Variants in BCL2L11 observed in about 807,000 individuals in gnomAD.
BCL2L11 encodes bcl-2-like protein 11.
In BCL2L11, 15 loss-of-function variants were observed where a neutral mutation model predicts 20.6. That is an observed-to-expected ratio of 0.73 (90% CI 0.49 to 1.12). The LOEUF (loss-of-function observed/expected upper bound fraction) is 1.12. Among genes scored for constraint, BCL2L11 ranks in the 50% most tolerant of loss-of-function variants. The pLI is 0.00. For missense variants in BCL2L11, 292 were observed against 260.9 expected, an observed-to-expected ratio of 1.12 and a Z score of -0.82; for synonymous variants, 108 against 92.8, an observed-to-expected ratio of 1.16 and a Z score of -0.94.
At chr2:111,123,373 C>G (rs983647560) in intron 1 of BCL2L11, 4 of 985,380 alleles carry the variant, frequency 4.1e-6, no homozygotes, top group Non-Finnish European at 4.8e-6. Flanking sequence ...TACCTAACCC[C>G]GGGAAGTCAG....
intron 3 of BCL2L11, among the ~76,000 whole-genome samples, chr2:111,155,253 C>T (rs2077684878): frequency 6.6e-6 from 1 of 152,232 alleles, no homozygotes; most frequent in Non-Finnish European, 1.5e-5. Flanking sequence ...GTTTGTATTT[C>T]TGCAGCCTGC....
intron 2 of BCL2L11, among the ~76,000 whole-genome samples, chr2:111,147,384 A>ACACACC (rs2076691169): frequency 1.0e-4 from 15 of 148,088 alleles, no homozygotes; most frequent in African/African-American, 3.7e-4. Context: ...ACACACACAC[A>ACACACC]CACACACCCG....
chr2:111,133,533 T>G (rs2074320791), intron 2 of BCL2L11, among the ~76,000 whole-genome samples: 1 of 152,248 alleles, frequency 6.6e-6, no homozygotes, highest in Non-Finnish European at 1.5e-5. Context: ...TACCTAAGTG[T>G]GTTTTCTGTT....
At chr2:111,127,046 T>A (rs1199964531) in intron 2 of BCL2L11, among the ~76,000 whole-genome samples, 1 of 152,160 alleles carries the variant, frequency 6.6e-6, no homozygotes, top group African/African-American at 2.4e-5. Flanking sequence ...TGAAGACAAG[T>A]TCAAGGAATA....
chr2:111,164,443 T>A lies in BCL2L11; in HGVS notation c.*212T>A. On this transcript the variant is annotated 3_prime_UTR_variant, in exon 4 of 4. Transcript: ENST00000393256. ...ATTTCTAATGGAAGTTTGTTGTGAA[T>A]GTAAAGGAGGGAGCATTCTTTGCTT... The A allele has an allele frequency of 2.1e-6, 1 of 474,068 alleles. No individual in the cohort carries two copies. The highest frequency in any genetic ancestry group is 3.8e-6 in the Non-Finnish European group (1 of 263,468). 29.4% of individuals were successfully genotyped at this position (474,068 alleles called of 1,614,324 possible). A position where few individuals can be genotyped will look rare whatever the true frequency, so the allele number is the denominator to read the frequency against.
At chr2:111,121,938 A>G (rs1300013988) in intron 1 of BCL2L11, among the ~76,000 whole-genome samples, 1 of 152,186 alleles carries the variant, frequency 6.6e-6, no homozygotes, top group Non-Finnish European at 1.5e-5. Flanking sequence ...CGGCTCACGC[A>G]TGCCCGAGCA....
intron 2 of BCL2L11, among the ~76,000 whole-genome samples, chr2:111,145,089 T>TATCTGAAC (rs1266187821): frequency 5.9e-5 from 9 of 152,226 alleles, no homozygotes; most frequent in African/African-American, 2.2e-4. Flanking sequence ...TGTTTGTAGA[T>TATCTGAAC]ATCTGAACAT....
intron 3 of BCL2L11, among the ~76,000 whole-genome samples, chr2:111,159,002 T>C (rs187813973): frequency 5.9e-5 from 9 of 152,364 alleles, no homozygotes; most frequent in Non-Finnish European, 1.0e-4. Flanking sequence ...CTTTGGAGCA[T>C]GGATGAGTGG....
intron 2 of BCL2L11, among the ~76,000 whole-genome samples, chr2:111,132,473 A>AT (rs1559032646): frequency 6.6e-6 from 1 of 152,118 alleles, no homozygotes; most frequent in Non-Finnish European, 1.5e-5. Flanking sequence ...TTTGGAGCAC[A>AT]TTTTTTTCTC....
At chr2:111,158,103 T>C (rs996592853) in intron 3 of BCL2L11, among the ~76,000 whole-genome samples, 1 of 152,204 alleles carries the variant, frequency 6.6e-6, no homozygotes, top group Non-Finnish European at 1.5e-5. Flanking sequence ...AAATACCAGC[T>C]CAGCTGCCGT....
rs533320204 is a variant in BCL2L11, at chr2:111,122,164, G to A, written c.-14+976G>A. Among the ~76,000 whole-genome samples, 477 of 152,376 alleles carry A rather than the reference G, an allele frequency of 3.1e-3. 5 individuals carry two copies. The highest frequency in any genetic ancestry group is 0.011 in the African/African-American group (455 of 41,594). On this transcript the variant is annotated intron_variant, in intron 1 of 3. Coordinates refer to ENST00000393256, the MANE Select transcript of BCL2L11 (RefSeq NM_138621.5). ...CAGGAGAGAGAGGAAGTTGTTGGAG[G>A]AGAATAGTTGCCACAGCCAGGGCGG...
chr2:111,149,285 T>C (rs1217485529), intron 2 of BCL2L11, among the ~76,000 whole-genome samples: 3 of 152,206 alleles, frequency 2.0e-5, no homozygotes, highest in Non-Finnish European at 4.4e-5. Context: ...CAGATGAATG[T>C]ACTGGGTGTG....
intron 2 of BCL2L11, among the ~76,000 whole-genome samples, 168 bp from the exon 3 acceptor site, chr2:111,149,876 T>G (rs1257063091): frequency 6.6e-6 from 1 of 152,244 alleles, no homozygotes; most frequent in Non-Finnish European, 1.5e-5. Context: ...TGTAGAAGAC[T>G]CTGCCACTCT....
chr2:111,141,948 ACCT>A (rs776189996), intron 2 of BCL2L11, among the ~76,000 whole-genome samples: 29 of 151,888 alleles, frequency 1.9e-4, no homozygotes, highest in Non-Finnish European at 2.9e-4. Context: ...TGATGTGCCC[ACCT>A]CAGCCTCCCA....
At chr2:111,124,219 C>G (rs1370013595) in intron 2 of BCL2L11, 80 bp downstream of exon 2, 2 of 1,430,070 alleles carry the variant, frequency 1.4e-6, no homozygotes, top group South Asian at 1.4e-5. Flanking sequence ...ATTTAAAATC[C>G]CCTTTTAAAA....
At chr2:111,138,522 G>C (rs1397318270) in intron 2 of BCL2L11, among the ~76,000 whole-genome samples, 2 of 152,210 alleles carry the variant, frequency 1.3e-5, no homozygotes, top group Admixed American at 6.5e-5. Flanking sequence ...CTTTTGCATT[G>C]TTGAAGATTT....
At position 111,166,822 on chromosome 2, in the gene BCL2L11, T is replaced by C. The variant is rs998944336; in HGVS notation, c.*2591T>C. On this transcript the variant is annotated 3_prime_UTR_variant, in exon 4 of 4. Transcript: ENST00000393256. ...AAAATTCCTTCTGATTAAAAAAATA[T>C]AGTGGAATACAATTGTCTGCCGTTT... The C allele has an allele frequency of 6.6e-6, 1 of 152,612 alleles. No individual in the cohort carries two copies. Among genetic ancestry groups the C allele is most frequent in the Non-Finnish European group, 1.5e-5 (1 of 68,038 alleles). The allele number at this position is 152,612 out of a possible 1,614,324, so 9.5% of individuals were successfully genotyped here. A position where few individuals can be genotyped will look rare whatever the true frequency, so the allele number is the denominator to read the frequency against.
intron 2 of BCL2L11, among the ~76,000 whole-genome samples, chr2:111,127,472 G>T (rs964164604): frequency 1.4e-4 from 20 of 138,800 alleles, no homozygotes; most frequent in Non-Finnish European, 2.4e-4. Context: ...TCTTATAGCT[G>T]GTACTTGTCT....
intron 3 of BCL2L11, among the ~76,000 whole-genome samples, chr2:111,162,174 A>G (rs774972830): frequency 5.9e-5 from 9 of 152,194 alleles, no homozygotes; most frequent in Non-Finnish European, 1.2e-4. Context: ...CCAGCTGTCA[A>G]ATGCTTTCTG....
Sources: gnomAD v4.1 joint callset for allele counts (sites outside exome capture counted in the v4.1 genomes callset) on GRCh38, gnomAD v4.1.1 for gene constraint, MANE v1.5 for transcripts, NCBI Gene and HGNC (gene_info 2026-07-23, HGNC 2026-07-21) for gene names.